Variants in STAU2 observed in about 807,000 individuals in gnomAD.
STAU2 encodes the protein double-stranded RNA-binding protein Staufen homolog 2.
STAU2 carries 20 observed loss-of-function variants against 65.9 expected under a neutral mutation model. That is an observed-to-expected ratio of 0.30 (90% confidence interval 0.21 to 0.44). The LOEUF (loss-of-function observed/expected upper bound fraction) is 0.44. STAU2 is among the 20% of genes least tolerant of loss of function. The pLI is 1.00. For missense variants in STAU2, 558 were observed against 683.9 expected, an observed-to-expected ratio of 0.82 and a Z score of 2.05; for synonymous variants, 232 against 233.9, an observed-to-expected ratio of 0.99 and a Z score of 0.07.
chr8:73,535,033 A>G (rs1019101146), intron 13 of STAU2, among the ~76,000 whole-genome samples: 1 of 152,268 alleles, frequency 6.6e-6, no homozygotes, highest in Non-Finnish European at 1.5e-5. Flanking sequence ...AGTAATGTAT[A>G]AAGATTTTTT....
At chr8:73,719,435 A>G (rs1017184026) in intron 3 of STAU2, among the ~76,000 whole-genome samples, 8 of 152,164 alleles carry the variant, frequency 5.3e-5, no homozygotes, top group Admixed American at 5.2e-4. Flanking sequence ...AATAAGTACA[A>G]GGTCAGCTAA....
chr8:73,710,583 T>C (rs1820827613), intron 3 of STAU2, among the ~76,000 whole-genome samples: 1 of 152,060 alleles, frequency 6.6e-6, no homozygotes, highest in Non-Finnish European at 1.5e-5. Flanking sequence ...GAGTTGTAAA[T>C]GTATGATATG....
chr8:73,630,448 C>G (rs79919740), intron 6 of STAU2, among the ~76,000 whole-genome samples: 1,656 of 152,330 alleles, frequency 0.011, 33 homozygotes, highest in African/African-American at 0.038. Context: ...ATACTTAGAG[C>G]TTTGAAAGGC....
intron 6 of STAU2, among the ~76,000 whole-genome samples, chr8:73,630,571 A>G (rs1261862053): frequency 6.6e-6 from 1 of 152,220 alleles, no homozygotes; most frequent in Non-Finnish European, 1.5e-5. Flanking sequence ...TCTGTGGACA[A>G]AATAGTTTTT....
chr8:73,625,140 T>C (rs887720731), intron 6 of STAU2, among the ~76,000 whole-genome samples: 1 of 152,132 alleles, frequency 6.6e-6, no homozygotes, highest in Non-Finnish European at 1.5e-5. Context: ...GCAGTTGCTA[T>C]GGAAAATAGT....
chr8:73,598,376 C>T (rs1407573784), intron 10 of STAU2, among the ~76,000 whole-genome samples: 3 of 151,792 alleles, frequency 2.0e-5, no homozygotes, highest in African/African-American at 4.8e-5. Context: ...TATAGGTGCC[C>T]GCCACCATGC....
intron 6 of STAU2, chr8:73,668,887 G>T: frequency 1.8e-6 from 1 of 570,886 alleles, no homozygotes; most frequent in Non-Finnish European, 3.1e-6. Context: ...ATCAGTAGAG[G>T]GTGGTAAAAC....
chr8:73,554,463 G>A (rs1300767975), intron 12 of STAU2, among the ~76,000 whole-genome samples: 1 of 152,168 alleles, frequency 6.6e-6, no homozygotes, highest in African/African-American at 2.4e-5. Flanking sequence ...TTGGATGCGT[G>A]GTATACATCT....
intron 10 of STAU2, 97 bp downstream of exon 10, chr8:73,603,628 CT>C (rs1811796855): frequency 9.6e-6 from 14 of 1,461,460 alleles, no homozygotes. Flanking sequence ...AACAGTTTTA[CT>C]TTCTGCTCTT....
At chr8:73,520,069 C>T (rs1585920949) in intron 13 of STAU2, among the ~76,000 whole-genome samples, 1 of 152,232 alleles carries the variant, frequency 6.6e-6, no homozygotes, top group Non-Finnish European at 1.5e-5. Flanking sequence ...AGGGAACACA[C>T]ATGCAAAGAT....
intron 13 of STAU2, among the ~76,000 whole-genome samples, chr8:73,470,603 G>C (rs1819936038): frequency 6.6e-6 from 1 of 152,070 alleles, no homozygotes; most frequent in South Asian, 2.1e-4. Context: ...TTCAAGACCA[G>C]CCTGGGCAAC....
intron 13 of STAU2, among the ~76,000 whole-genome samples, chr8:73,529,014 T>G (rs1013676959): frequency 6.6e-6 from 1 of 152,134 alleles, no homozygotes; most frequent in Non-Finnish European, 1.5e-5. Context: ...GTAGGGAAAC[T>G]TCTTCCTGGG....
At chr8:73,579,056 G>T (rs60147081) in intron 12 of STAU2, among the ~76,000 whole-genome samples, 22,962 of 140,916 alleles carry the variant, frequency 0.16, 1,779 homozygotes, top group Middle Eastern at 0.19. Context: ...GAAACCAGCA[G>T]GCAATCTACC....
At chr8:73,720,782 G>C (rs1821598252) in intron 3 of STAU2, among the ~76,000 whole-genome samples, 1 of 80,226 alleles carries the variant, frequency 1.2e-5, no homozygotes, top group African/African-American at 5.8e-5. Flanking sequence ...AAAGTGCTGG[G>C]ATTACAGGCG....
At chr8:73,463,737 G>A (rs954897696) in intron 13 of STAU2, among the ~76,000 whole-genome samples, 4 of 152,150 alleles carry the variant, frequency 2.6e-5, no homozygotes, top group African/African-American at 4.8e-5. Flanking sequence ...TCTCATATCT[G>A]GAATGAATAA....
At position 73,422,633 on chromosome 8, in the gene STAU2, C is replaced by T. The variant is rs1456539613; in HGVS notation, c.1600G>A (p.Glu534Lys). Reference protein sequence around the residue: ...LDPIDGAMNIEKGSLEKQAKH... With the variant: ...LDPIDGAMNIKKGSLEKQAKH... Reference sequence around the variant, plus strand: ...ACTCACTTTTCAAGAGAACCTTTTTCGATATTCATTGCTCCATCGATTGGA... The same window carrying T: ...ACTCACTTTTCAAGAGAACCTTTTTTGATATTCATTGCTCCATCGATTGGA... The change falls in exon 14 of 15, where the codon GAA becomes AAA. Residue 534 changes from glutamate (E) to lysine (K), a missense_variant. Glu to Lys is a moderately conservative substitution (Grantham distance 56). This residue lies in a region of STAU2 where 247 missense variants were observed against 270.1 expected (regional missense o/e 0.91). Coordinates refer to ENST00000524300, the MANE Select transcript of STAU2 (RefSeq NM_001164380.2). 17 of 1,513,964 alleles carry T rather than the reference C, an allele frequency of 1.1e-5. No homozygotes were observed. Among genetic ancestry groups the T allele is most frequent in the South Asian group, 2.6e-5 (2 of 78,322 alleles). The allele number at this position is 1,513,964 out of a possible 1,614,324, so 93.8% of individuals were successfully genotyped here. A position where few individuals can be genotyped will look rare whatever the true frequency, so the allele number is the denominator to read the frequency against.
chr8:73,505,182 G>GT, intron 13 of STAU2, among the ~76,000 whole-genome samples: 1 of 152,248 alleles, frequency 6.6e-6, no homozygotes, highest in African/African-American at 2.4e-5. Flanking sequence ...TTGAGCCAGT[G>GT]TGGCAGGCTT....
In STAU2 at chr8:73,654,797, C is replaced by T. The variant is rs1445797394; in HGVS notation, c.410+18310G>A. On this transcript the variant is annotated intron_variant, in intron 6 of 14. Transcript: ENST00000524300. Reference sequence around the variant, plus strand: ...CGCCTCCCGGGTTCACGCCATTCTCCTGCCTCAGCCTCCTGTGTAGCTGGG... The same window carrying T: ...CGCCTCCCGGGTTCACGCCATTCTCTTGCCTCAGCCTCCTGTGTAGCTGGG... 4.7e-5 allele frequency among the ~76,000 whole-genome samples: 7 copies of T among 149,288 alleles called. No homozygotes were observed. In the Admixed American group the frequency reaches 4.7e-4, roughly 10 times the overall value.
intron 9 of STAU2, among the ~76,000 whole-genome samples, 194 bp downstream of exon 9, chr8:73,613,550 T>A (rs61162405): frequency 0.26 from 39,648 of 152,100 alleles, 6,415 homozygotes; most frequent in East Asian, 0.45. Context: ...TTATTTGATG[T>A]ACAAATGCAG....
Sources: allele counts gnomAD v4.1 joint callset (sites outside exome capture counted in the v4.1 genomes callset), GRCh38; gene constraint gnomAD v4.1.1; regional missense constraint gnomAD v4.1.1; transcripts MANE v1.5; gene names NCBI Gene and HGNC (gene_info 2026-07-23, HGNC 2026-07-21).